The following ME2 variants were observed in gnomAD, a reference collection of about 807,000 sequenced individuals.
The protein encoded by ME2 is NAD-dependent malic enzyme, mitochondrial.
In ME2, 60 loss-of-function variants were observed where a neutral mutation model predicts 73.7. That is an observed-to-expected ratio of 0.81 (90% CI 0.66 to 1.01). ME2 has a LOEUF of 1.01. Among genes scored for constraint, ME2 ranks in the 50% least tolerant of loss-of-function variants. The pLI is 0.00. For synonymous variants in ME2, 199 were observed against 236.9 expected, an observed-to-expected ratio of 0.84 and a Z score of 1.47; for missense variants, 594 against 705.5, an observed-to-expected ratio of 0.84 and a Z score of 1.79.
At chr18:50,925,494 A>T (rs1325409661) in intron 11 of ME2, among the ~76,000 whole-genome samples, 1 of 152,228 alleles carries the variant, frequency 6.6e-6, no homozygotes, top group African/African-American at 2.4e-5. Context: ...ACAAAAAGTT[A>T]AAAGAATAAA....
chr18:50,902,430 C>A (rs1328261706), intron 2 of ME2, among the ~76,000 whole-genome samples: 1 of 152,126 alleles, frequency 6.6e-6, no homozygotes, highest in Non-Finnish European at 1.5e-5. Flanking sequence ...CAGAGATTTA[C>A]TCTTGTTGCC....
chr18:50,925,837 C>T lies in ME2; in HGVS notation c.1253C>T (p.Ala418Val). 1 of 1,612,016 alleles carries T rather than the reference C, an allele frequency of 6.2e-7. No individual in the cohort carries two copies. The highest frequency in any genetic ancestry group is 8.5e-7 in the Non-Finnish European group (1 of 1,178,122). ...ATCAATGAAAGGCCTGTAATATTTG[C>T]ATTAAGTAATCCTACAGCACAGGCA... is the stretch of plus-strand genomic sequence containing the variant. ...ASINERPVIF[A>V]LSNPTAQAEC... Residue 418 changes from alanine (A) to valine (V), a missense_variant, in exon 12 of 16, where the codon GCA becomes GTA. Transcript: ENST00000321341.
chr18:50,920,788 G>T, intron 9 of ME2, 30 bp downstream of exon 9: 6 of 1,483,740 alleles, frequency 4.0e-6, no homozygotes, highest in Non-Finnish European at 5.6e-6. Context: ...TGAAACTTAA[G>T]CCTATCCTCT....
chr18:50,938,123 T>C (rs945439017), intron 13 of ME2, among the ~76,000 whole-genome samples: 2 of 151,882 alleles, frequency 1.3e-5, no homozygotes, highest in African/African-American at 4.8e-5. Flanking sequence ...AGTCCAGAAG[T>C]TTGAAACCAG....
intron 15 of ME2, chr18:50,942,594 G>T: frequency 4.2e-6 from 1 of 238,284 alleles, no homozygotes; most frequent in East Asian, 7.7e-5. Context: ...TTTAAAAAGT[G>T]TTTCAGTATA....
rs140257323 is a variant in ME2 at position 50,930,934 on chromosome 18, T to C, written c.1315-1324T>C. 4.5e-4 allele frequency among the ~76,000 whole-genome samples: 69 copies of C among 152,346 alleles called. No homozygotes were observed. The East Asian group carries it at 0.013, about 28-fold the overall frequency. On this transcript the variant is annotated intron_variant, in intron 12 of 15. Transcript: ENST00000321341. ...ACAATATAGAGTTGCAAGTCTAAGA[T>C]AGTCAGCTCTGCCCTACTAGCATAG...
chr18:50,941,696 T>G (rs1327810032), intron 15 of ME2, among the ~76,000 whole-genome samples: 13 of 150,214 alleles, frequency 8.7e-5, no homozygotes, highest in South Asian at 2.1e-4. Flanking sequence ...TTTTTTTTTT[T>G]GGGATAAATT....
chr18:50,881,116 C>T (rs1916310262), intron 1 of ME2, among the ~76,000 whole-genome samples: 1 of 152,216 alleles, frequency 6.6e-6, no homozygotes, highest in South Asian at 2.1e-4. Flanking sequence ...GCAACTTCTG[C>T]CTTCCGCGTT....
chr18:50,925,657 G>A (rs1232163238), intron 11 of ME2, 99 bp from the exon 12 acceptor site: 1 of 940,756 alleles, frequency 1.1e-6, no homozygotes, highest in African/African-American at 1.6e-5. Context: ...GATATTACCT[G>A]TGTTTTTATT....
intron 1 of ME2, among the ~76,000 whole-genome samples, chr18:50,895,228 ATTATT>A (rs1319659316): frequency 1.3e-4 from 19 of 140,958 alleles, no homozygotes; most frequent in African/African-American, 4.8e-4. Flanking sequence ...TATTTTATAC[ATTATT>A]TTATATAAAG....
chr18:50,902,531 G>T (rs1422315179), intron 2 of ME2, among the ~76,000 whole-genome samples: 1 of 152,158 alleles, frequency 6.6e-6, no homozygotes, highest in African/African-American at 2.4e-5. Flanking sequence ...CCAAGTAGCT[G>T]GGATTACAGG....
intron 12 of ME2, among the ~76,000 whole-genome samples, chr18:50,931,497 T>C (rs1370597580): frequency 6.6e-6 from 1 of 152,186 alleles, no homozygotes; most frequent in Non-Finnish European, 1.5e-5. Flanking sequence ...GTTTTCATGA[T>C]GGCAAAATTA....
At chr18:50,922,317 G>A (rs893367391) in intron 10 of ME2, among the ~76,000 whole-genome samples, 1 of 152,176 alleles carries the variant, frequency 6.6e-6, no homozygotes, top group Non-Finnish European at 1.5e-5. Flanking sequence ...TGAAGAAACA[G>A]TTTAAAAGGT....
chr18:50,889,558 T>A (rs1259344629), intron 1 of ME2, among the ~76,000 whole-genome samples: 1 of 152,180 alleles, frequency 6.6e-6, no homozygotes, highest in East Asian at 1.9e-4. Flanking sequence ...AATAAAGCAA[T>A]TTATTGTGGA....
rs1470078293 is a variant in ME2 at position 50,912,934 on chromosome 18, A to G, written c.376A>G (p.Ile126Val). 1 of 1,601,482 alleles carries G rather than the reference A, an allele frequency of 6.2e-7. No homozygotes were observed. The highest frequency in any genetic ancestry group is 8.5e-7 in the Non-Finnish European group (1 of 1,176,706). ...TCTTGCCTGCTCCCAGTATGGACAC[A>G]TCTTTAGAAGACCTAAGTAAGGCTT... is the stretch of plus-strand genomic sequence containing the variant. ...VGLACSQYGHIFRRPKGLFIS... is the reference protein window; with the variant it reads ...VGLACSQYGHVFRRPKGLFIS... Residue 126 changes from isoleucine to valine, a missense_variant, in exon 4 of 16, where the codon ATC becomes GTC. Coordinates refer to ENST00000321341, the MANE Select transcript of ME2 (RefSeq NM_002396.5).
At chr18:50,918,731 G>A (rs1414826595) in intron 7 of ME2, among the ~76,000 whole-genome samples, 2 of 148,724 alleles carry the variant, frequency 1.3e-5, no homozygotes. Flanking sequence ...ATCTTCACAG[G>A]TTCTTGCTGT....
intron 2 of ME2, among the ~76,000 whole-genome samples, chr18:50,905,998 G>A (rs1396661276): frequency 6.6e-6 from 1 of 152,066 alleles, no homozygotes; most frequent in Non-Finnish European, 1.5e-5. Context: ...TTTTATTTTT[G>A]GTTTGCAGTA....
chr18:50,881,757 C>T (rs1916329539), intron 1 of ME2, among the ~76,000 whole-genome samples: 1 of 152,138 alleles, frequency 6.6e-6, no homozygotes, highest in Non-Finnish European at 1.5e-5. Context: ...TTAGAAGGCA[C>T]CTTGTGACCA....
rs570350359 is a variant in ME2, at chr18:50,937,892, C to G, written c.1418-1678C>G. The stretch of plus-strand genomic sequence containing the variant: ...AGAAAAATGGAGGGAAGTGAATCCT[C>G]AAGACTTCATGAACATTTCCCAAAA... On this transcript the variant is annotated intron_variant, in intron 13 of 15. Coordinates refer to ENST00000321341, the MANE Select transcript of ME2 (RefSeq NM_002396.5). 4.6e-5 allele frequency among the ~76,000 whole-genome samples: 7 copies of G among 152,252 alleles called. No homozygotes were observed. In the East Asian group the frequency reaches 1.4e-3, roughly 29 times the overall value.
Sources: allele counts gnomAD v4.1 joint callset (sites outside exome capture counted in the v4.1 genomes callset), GRCh38; gene constraint gnomAD v4.1.1; transcripts MANE v1.5; gene names NCBI Gene and HGNC (gene_info 2026-07-23, HGNC 2026-07-21).